TIAM1: variants seen among roughly 807,000 people sequenced by gnomAD.
The protein encoded by TIAM1 is TIAM Rac1 associated GEF 1.
TIAM1 carries 65 observed loss-of-function variants against 163.5 expected under a neutral mutation model. The ratio of observed to expected loss-of-function variants is 0.40; its 90% CI spans 0.33 to 0.49. TIAM1 has a LOEUF of 0.49. TIAM1 is among the 20% of genes least tolerant of loss of function. TIAM1 has a pLI of 0.77. For synonymous variants in TIAM1, 833 were observed against 810.1 expected (o/e 1.03, Z -0.48); for missense variants, 1,789 against 2,044.7 (o/e 0.87, Z 2.41).
chr21:31,137,691 G>A (rs113275114), intron 22 of TIAM1, among the ~76,000 whole-genome samples: 4 of 151,498 alleles, frequency 2.6e-5, no homozygotes, highest in East Asian at 3.9e-4. Context: ...TACACACATC[G>A]CCGCCCGGAT....
intron 1 of TIAM1, among the ~76,000 whole-genome samples, chr21:31,340,467 C>T (rs758675542): frequency 6.6e-6 from 1 of 152,156 alleles, no homozygotes; most frequent in Non-Finnish European, 1.5e-5. Context: ...ACTCCAAGGT[C>T]TGTGGCACGA....
At chr21:31,213,705 T>C (rs1379651537) in intron 9 of TIAM1, among the ~76,000 whole-genome samples, 1 of 152,018 alleles carries the variant, frequency 6.6e-6, no homozygotes, top group Non-Finnish European at 1.5e-5. Flanking sequence ...AAAAAAAGTT[T>C]GCTCTCAAAT....
intron 2 of TIAM1, among the ~76,000 whole-genome samples, chr21:31,379,278 A>G (rs1439610797): frequency 6.6e-6 from 1 of 152,110 alleles, no homozygotes; most frequent in African/African-American, 2.4e-5. Flanking sequence ...GGCCTACACT[A>G]TTTTATATAA....
chr21:31,344,346 T>A (rs2076105002), upstream of TIAM1: 1 of 152,164 alleles, frequency 6.6e-6, no homozygotes, highest in Admixed American at 6.6e-5. Context: ...CACCATCACC[T>A]CCCTCCTCTC....
intron 9 of TIAM1, among the ~76,000 whole-genome samples, chr21:31,214,642 T>C (rs956498010): frequency 1.3e-5 from 2 of 152,148 alleles, no homozygotes; most frequent in African/African-American, 4.8e-5. Flanking sequence ...AAAATTAGAA[T>C]AGGGTAACAA....
At chr21:31,333,911 C>T (rs147731144) in intron 2 of TIAM1, among the ~76,000 whole-genome samples, 3 of 152,288 alleles carry the variant, frequency 2.0e-5, no homozygotes, top group South Asian at 2.1e-4. Context: ...CACCCTCCCC[C>T]CCAAAAAATT....
Position 31,370,876 on chromosome 21 carries a change from T to C in TIAM1, c.-368-31454A>G, listed in dbSNP as rs563986550. Reference sequence around the variant, plus strand: ...AGAAAGATCTGGCAGCAGTAGGCTATAGCAACAAGCCCCGGTATGCAGCCT... The same window carrying C: ...AGAAAGATCTGGCAGCAGTAGGCTACAGCAACAAGCCCCGGTATGCAGCCT... On this transcript the variant is annotated intron_variant, in intron 2 of 28. Coordinates refer to the TIAM1 transcript ENST00000286827. Among the ~76,000 whole-genome samples, 9 of 152,328 alleles carry C rather than the reference T, an allele frequency of 5.9e-5. 1 individual carries two copies. The highest frequency in any genetic ancestry group is 3.9e-4 in the East Asian group (2 of 5,182).
intron 25 of TIAM1, among the ~76,000 whole-genome samples, chr21:31,129,975 C>T (rs2070412): frequency 0.52 from 79,417 of 151,780 alleles, 21,165 homozygotes; most frequent in East Asian, 0.73. Flanking sequence ...AGACATTACA[C>T]ATCCATTCAC....
At chr21:31,485,939 T>G (rs2046257645) in intron 1 of TIAM1, among the ~76,000 whole-genome samples, 1 of 152,216 alleles carries the variant, frequency 6.6e-6, no homozygotes, top group Non-Finnish European at 1.5e-5. Flanking sequence ...CTCTTAGCTC[T>G]ACGCCCTGCC....
At chr21:31,442,253 AAC>A (rs983895757) in intron 2 of TIAM1, among the ~76,000 whole-genome samples, 5 of 142,026 alleles carry the variant, frequency 3.5e-5, no homozygotes, top group Non-Finnish European at 7.7e-5. Context: ...TTTTTTTTGA[AAC>A]AGAGTCTCCC....
rs564852313 is a variant in TIAM1 at position 31,551,103 on chromosome 21, A to T, written c.-422+7824T>A. On this transcript the variant is annotated intron_variant, in intron 1 of 28. Transcript: ENST00000286827. ...GTGGCAGGTGCCTGTAATCCCAGCC[A>T]CTTGGGAGGCTGAGGCAAGAGAATC... 1.2e-4 allele frequency among the ~76,000 whole-genome samples: 18 copies of T among 152,280 alleles called. 1 individual carries two copies. The highest frequency in any genetic ancestry group is 2.6e-4 in the Admixed American group (4 of 15,296).
chr21:31,447,696 C>T (rs2044677295), intron 2 of TIAM1, among the ~76,000 whole-genome samples: 1 of 152,110 alleles, frequency 6.6e-6, no homozygotes, highest in Non-Finnish European at 1.5e-5. Context: ...TGCCTGCTGG[C>T]CTGAGAAATG....
At chr21:31,474,502 T>C (rs1366914519) in intron 1 of TIAM1, among the ~76,000 whole-genome samples, 1 of 151,430 alleles carries the variant, frequency 6.6e-6, no homozygotes, top group African/African-American at 2.4e-5. Context: ...ATGAAGCTCT[T>C]AGAAAAGTGG....
At chr21:31,340,351 C>A (rs908214254) in intron 1 of TIAM1, among the ~76,000 whole-genome samples, 38 of 152,054 alleles carry the variant, frequency 2.5e-4, no homozygotes, top group African/African-American at 7.7e-4. Flanking sequence ...CCAAGCTCCT[C>A]TGTCCTATGC....
chr21:31,249,250 A>G (rs974945343), intron 5 of TIAM1, among the ~76,000 whole-genome samples: 1 of 152,234 alleles, frequency 6.6e-6, no homozygotes, highest in Admixed American at 6.5e-5. Context: ...ATAGACAAGT[A>G]AAGGGAAGAC....
chr21:31,279,486 C>T (rs115306438), intron 2 of TIAM1, among the ~76,000 whole-genome samples: 53 of 152,320 alleles, frequency 3.5e-4, no homozygotes, highest in African/African-American at 1.3e-3. Context: ...GAGACAGCTA[C>T]GTACCAAGCT....
chr21:31,163,361 T>A (rs2084024994), intron 16 of TIAM1, among the ~76,000 whole-genome samples: 1 of 152,176 alleles, frequency 6.6e-6, no homozygotes, highest in Admixed American at 6.5e-5. Flanking sequence ...AAGGGTCACC[T>A]AAATAAAAAG....
intron 2 of TIAM1, among the ~76,000 whole-genome samples, chr21:31,397,241 A>G (rs2077088694): frequency 6.6e-6 from 1 of 152,184 alleles, no homozygotes; most frequent in South Asian, 2.1e-4. Context: ...TCTCTTAACA[A>G]AGAACTATCA....
chr21:31,356,999 A>G lies in TIAM1; in HGVS notation c.-368-17577T>C, dbSNP rs2076327040. 2.6e-5 allele frequency among the ~76,000 whole-genome samples: 4 copies of G among 152,200 alleles called. No individual in the cohort carries two copies. The South Asian group carries it at 8.3e-4, about 32-fold the overall frequency. ...ACATTTTTAAAATTTTTAAAAGAGA[A>G]GTGTAGATTCCATCATCTGTCATTA... On this transcript the variant is annotated intron_variant, in intron 2 of 28. Coordinates refer to the TIAM1 transcript ENST00000286827.
Sources: gnomAD v4.1 joint callset for allele counts (sites outside exome capture counted in the v4.1 genomes callset) on GRCh38, gnomAD v4.1.1 for gene constraint, MANE v1.5 for transcripts, NCBI Gene and HGNC (gene_info 2026-07-23, HGNC 2026-07-21) for gene names.